RAB27A: variants seen among roughly 807,000 people sequenced by gnomAD.
The protein encoded by RAB27A is RAB27A, member RAS oncogene family.
A neutral mutation model predicts 20.8 loss-of-function variants in RAB27A; 17 were observed. The ratio of observed to expected loss-of-function variants is 0.82; its 90% CI spans 0.56 to 1.23. RAB27A has a LOEUF of 1.23. Ranked by LOEUF, RAB27A falls within the 50% of genes most tolerant of loss-of-function variation. The probability of loss-of-function intolerance (pLI) is 0.00; values close to 1 mark genes in which losing one functional copy is unlikely to be tolerated. For synonymous variants in RAB27A, 85 were observed against 92.8 expected, an observed-to-expected ratio of 0.92 and a Z score of 0.48; for missense variants, 277 against 266.7, an observed-to-expected ratio of 1.04 and a Z score of -0.27.
intron 2 of RAB27A, among the ~76,000 whole-genome samples, chr15:55,300,881 A>G (rs2054969072): frequency 6.6e-6 from 1 of 152,128 alleles, no homozygotes; most frequent in Non-Finnish European, 1.5e-5. Context: ...AGTGATTTAA[A>G]TAGCTGTATC....
chr15:55,232,605 A>T (rs1156691180), intron 3 of RAB27A, among the ~76,000 whole-genome samples: 1 of 152,208 alleles, frequency 6.6e-6, no homozygotes. Context: ...CTCTAAAATT[A>T]AAGGATAAAT....
At chr15:55,309,481 A>T (rs1470776846) in intron 2 of RAB27A, among the ~76,000 whole-genome samples, 1 of 152,228 alleles carries the variant, frequency 6.6e-6, no homozygotes, top group African/African-American at 2.4e-5. Flanking sequence ...AAAGGACAAG[A>T]GTGTCCAGGT....
intron 2 of RAB27A, among the ~76,000 whole-genome samples, chr15:55,257,185 G>C (rs892245146): frequency 1.3e-5 from 2 of 152,048 alleles, no homozygotes; most frequent in African/African-American, 2.4e-5. Flanking sequence ...GTTTGTGGGT[G>C]GTATCAGATT....
intron 1 of RAB27A, among the ~76,000 whole-genome samples, chr15:55,287,713 C>T (rs1595750028): frequency 6.6e-6 from 1 of 151,506 alleles, no homozygotes; most frequent in Admixed American, 6.6e-5. Context: ...TGCCATTGCA[C>T]TCCAGCCTGG....
At position 55,296,989 on chromosome 15, in the gene RAB27A, T is replaced by A. The variant is rs1458105927; in HGVS notation, c.-112+17050A>T. On this transcript the variant is annotated intron_variant, in intron 2 of 5. Transcript: ENST00000563262. ...AAAAAATATTTCATAATATAATTAT[T>A]TTATCTGGGAGTAAGCAAAAAGGAT... is the stretch of plus-strand genomic sequence containing the variant. Among the ~76,000 whole-genome samples the A allele has an allele frequency of 2.6e-5, 4 of 152,152 alleles. No homozygotes were observed. In the East Asian group the frequency reaches 7.7e-4, roughly 29 times the overall value.
chr15:55,210,721 C>G (rs1157836107), intron 6 of RAB27A, among the ~76,000 whole-genome samples: 3 of 152,018 alleles, frequency 2.0e-5, no homozygotes, highest in South Asian at 2.1e-4. Context: ...TATGGGTTAT[C>G]TCTTCATTTT....
intron 1 of RAB27A, among the ~76,000 whole-genome samples, chr15:55,283,815 C>T (rs1467731967): frequency 6.6e-6 from 1 of 152,170 alleles, no homozygotes; most frequent in Admixed American, 6.5e-5. Context: ...AGGGCTAGTA[C>T]AGCAAGAACA....
At position 55,205,234 on chromosome 15, in the gene RAB27A, T is replaced by C; in HGVS notation, c.*273A>G. The C allele has an allele frequency of 2.1e-6, 1 of 477,152 alleles. No homozygotes were observed. The highest frequency in any genetic ancestry group is 3.8e-6 in the Non-Finnish European group (1 of 260,662). 29.6% of individuals were successfully genotyped at this position (477,152 alleles called of 1,614,324 possible). A position where few individuals can be genotyped will look rare whatever the true frequency, so the allele number is the denominator to read the frequency against. On this transcript the variant is annotated 3_prime_UTR_variant, in exon 7 of 7. Transcript: ENST00000336787. ...TCTTCTGTGACTGCAAAATTCTGAA[T>C]CCTTGAATGATTTACTATAATAGGC...
chr15:55,250,512 G>C (rs1022229740), intron 2 of RAB27A, among the ~76,000 whole-genome samples: 2 of 152,144 alleles, frequency 1.3e-5, no homozygotes, highest in African/African-American at 4.8e-5. Flanking sequence ...AATTATTTAA[G>C]GAAGTACATG....
chr15:55,260,425 C>T (rs1897232657), intron 2 of RAB27A, among the ~76,000 whole-genome samples: 2 of 152,210 alleles, frequency 1.3e-5, no homozygotes, highest in South Asian at 4.1e-4. Context: ...AATCCAATCA[C>T]ATTCTTTGGT....
intron 3 of RAB27A, among the ~76,000 whole-genome samples, chr15:55,232,921 C>T (rs1422747944): frequency 2.0e-5 from 3 of 152,024 alleles, no homozygotes; most frequent in South Asian, 2.1e-4. Context: ...GCCAGGAGTT[C>T]GAGACCAGCC....
chr15:55,217,325 G>A lies in RAB27A; in HGVS notation c.467+6564C>T, dbSNP rs1252662915. On this transcript the variant is annotated intron_variant, in intron 6 of 6. Coordinates refer to ENST00000336787, the MANE Select transcript of RAB27A (RefSeq NM_183235.3). ...ATCTCATCTAGCAAACTAGATGAGAGCCATAGAAAAGACCCTGAATTAAGA... is the reference window on the plus strand; with the variant it reads ...ATCTCATCTAGCAAACTAGATGAGAACCATAGAAAAGACCCTGAATTAAGA... 6.6e-5 allele frequency among the ~76,000 whole-genome samples: 10 copies of A among 151,964 alleles called. No homozygotes were observed. In the South Asian group the frequency reaches 1.0e-3, roughly 16 times the overall value.
At chr15:55,219,625 T>C (rs1895471094) in intron 6 of RAB27A, among the ~76,000 whole-genome samples, 1 of 152,208 alleles carries the variant, frequency 6.6e-6, no homozygotes, top group Non-Finnish European at 1.5e-5. Flanking sequence ...TCTAATAGTG[T>C]CTTCCAAAAG....
At chr15:55,298,826 A>G (rs2054960085) in intron 2 of RAB27A, among the ~76,000 whole-genome samples, 1 of 152,232 alleles carries the variant, frequency 6.6e-6, no homozygotes, top group African/African-American at 2.4e-5. Context: ...GCTGAGAAAA[A>G]GAATTCAGCA....
chr15:55,292,464 G>T (rs1381725324), upstream of RAB27A, among the ~76,000 whole-genome samples: 1 of 152,212 alleles, frequency 6.6e-6, no homozygotes, highest in Non-Finnish European at 1.5e-5. Flanking sequence ...GGATAATAGC[G>T]ATCTGATTAC....
At position 55,268,610 on chromosome 15, in the gene RAB27A, C is replaced by T. The variant is rs1897592972; in HGVS notation, c.-23+1555G>A. Among the ~76,000 whole-genome samples, 3 of 152,254 alleles carry T rather than the reference C, an allele frequency of 2.0e-5. No homozygotes were observed. The South Asian group carries it at 6.2e-4, about 32-fold the overall frequency. ...AATGGAAGCAATAAGTAAACACGTACACACTCACAAAGCTAGATCCCTATA... is the reference window on the plus strand; with the variant it reads ...AATGGAAGCAATAAGTAAACACGTATACACTCACAAAGCTAGATCCCTATA... On this transcript the variant is annotated intron_variant, in intron 2 of 6. Coordinates refer to ENST00000336787, the MANE Select transcript of RAB27A (RefSeq NM_183235.3).
At chr15:55,299,569 G>A (rs1284622064) in intron 2 of RAB27A, among the ~76,000 whole-genome samples, 1 of 149,012 alleles carries the variant, frequency 6.7e-6, no homozygotes. Flanking sequence ...CTCCAGCCTA[G>A]GTGACACAGT....
At chr15:55,251,932 G>A (rs1896903797) in intron 2 of RAB27A, among the ~76,000 whole-genome samples, 1 of 152,128 alleles carries the variant, frequency 6.6e-6, no homozygotes, top group Middle Eastern at 3.2e-3. Context: ...ATGAGGTAGA[G>A]GGGACAGAGA....
intron 2 of RAB27A, among the ~76,000 whole-genome samples, chr15:55,308,933 T>C (rs998948543): frequency 6.6e-6 from 1 of 152,226 alleles, no homozygotes; most frequent in Non-Finnish European, 1.5e-5. Flanking sequence ...AATTTCCTTA[T>C]TCAGGTATGC....
Sources: gnomAD v4.1 joint callset for allele counts (sites outside exome capture counted in the v4.1 genomes callset) on GRCh38, gnomAD v4.1.1 for gene constraint, MANE v1.5 for transcripts, NCBI Gene and HGNC (gene_info 2026-07-23, HGNC 2026-07-21) for gene names.